Variants in CLK4 observed in about 807,000 individuals in gnomAD.
CLK4 encodes the protein dual specificity protein kinase CLK4.
CLK4 carries 37 observed loss-of-function variants against 64.4 expected under a neutral mutation model. That is an observed-to-expected ratio of 0.57 (90% CI 0.44 to 0.76). The LOEUF (loss-of-function observed/expected upper bound fraction) is 0.76, where lower values mean the gene tolerates loss of function less well. CLK4 is among the 30% of genes least tolerant of loss of function. The pLI is 0.00. For synonymous variants in CLK4, 175 were observed against 191.6 expected, an observed-to-expected ratio of 0.91 and a Z score of 0.72; for missense variants, 457 against 605.1, an observed-to-expected ratio of 0.76 and a Z score of 2.57.
chr5:178,623,111 C>G (rs1342436203), intron 2 of CLK4, 145 bp downstream of exon 2: 6 of 782,432 alleles, frequency 7.7e-6, no homozygotes, highest in Middle Eastern at 3.1e-4. Context: ...CAGCGCCTAT[C>G]TAAAATAAGT....
At chr5:178,620,499 T>C (rs1764694045) in intron 2 of CLK4, 1 of 376,132 alleles carries the variant, frequency 2.7e-6, no homozygotes, top group Admixed American at 3.3e-5. Flanking sequence ...GGCTGAGAGA[T>C]TATATAAACA....
chr5:178,613,694 A>G, intron 6 of CLK4, 33 bp downstream of exon 6: 5 of 1,606,958 alleles, frequency 3.1e-6, no homozygotes, highest in Non-Finnish European at 4.3e-6. Flanking sequence ...ATTTCATGTA[A>G]TATGATGGCT....
At chr5:178,623,530 T>C (rs1163030350) in intron 1 of CLK4, 114 bp from the exon 2 acceptor site, 1 of 878,112 alleles carries the variant, frequency 1.1e-6, no homozygotes, top group Non-Finnish European at 1.5e-6. Context: ...TCTTACAGGC[T>C]CCAAAATCTT....
intron 10 of CLK4, among the ~76,000 whole-genome samples, chr5:178,606,555 G>T (rs1224192215): frequency 6.6e-6 from 1 of 152,080 alleles, no homozygotes; most frequent in Non-Finnish European, 1.5e-5. Context: ...AACCTCAACA[G>T]TACTAGCTGG....
In CLK4 at chr5:178,603,960, A is replaced by G. The variant is rs752299184; in HGVS notation, c.1215-26T>C. The G allele has an allele frequency of 2.6e-6, 4 of 1,523,862 alleles. No homozygotes were observed. In the South Asian group the frequency reaches 4.7e-5, roughly 18 times the overall value. 94.4% of individuals were successfully genotyped at this position (1,523,862 alleles called of 1,614,324 possible). A position where few individuals can be genotyped will look rare whatever the true frequency, so the allele number is the denominator to read the frequency against. ...CTACAGAAAAAAAAAAAAAGTCTGG[A>G]TTAGTAAAATAACAAGAGTCGTATC... On this transcript the variant is annotated intron_variant, in intron 11 of 12. Coordinates refer to ENST00000316308, the MANE Select transcript of CLK4 (RefSeq NM_020666.3).
Position 178,603,678 on chromosome 5 carries a change from T to G in CLK4, c.1385A>C (p.Gln462Pro). The change falls in exon 13 of 13, where the codon CAA becomes CCA. Residue 462 changes from glutamine to proline, a missense_variant. Transcript: ENST00000316308. ...VRRMLEYDPT[Q>P]RITLDEALQH... is the part of the protein sequence containing the mutation. Reference sequence around the variant, plus strand: ...CAATGCTTCATCCAAGGTAATTCTTTGAGTTGGATCATATTCTAACATTCT... The same window carrying G: ...CAATGCTTCATCCAAGGTAATTCTTGGAGTTGGATCATATTCTAACATTCT... 6.2e-7 allele frequency: 1 copy of G among 1,603,804 alleles called. No individual in the cohort carries two copies. Among genetic ancestry groups the G allele is most frequent in the African/African-American group, 1.3e-5 (1 of 74,406 alleles).
intron 1 of CLK4, among the ~76,000 whole-genome samples, chr5:178,625,093 C>G (rs1192916258): frequency 1.3e-5 from 2 of 152,126 alleles, no homozygotes; most frequent in Non-Finnish European, 2.9e-5. Context: ...AATGGAGTCA[C>G]TTCCATATGG....
chr5:178,622,232 A>G (rs1291671772), intron 2 of CLK4: 1 of 160,260 alleles, frequency 6.2e-6, no homozygotes, highest in East Asian at 1.9e-4. Context: ...TGTACTGTAC[A>G]TTAATTATTA....
chr5:178,621,755 C>G (rs773396610), intron 2 of CLK4: 1 of 152,016 alleles, frequency 6.6e-6, no homozygotes, highest in Admixed American at 6.6e-5. Flanking sequence ...CATGCTTTAA[C>G]TTAAAAATGC....
chr5:178,612,684 G>T (rs1764574036), intron 8 of CLK4, 112 bp downstream of exon 8: 2 of 1,095,864 alleles, frequency 1.8e-6, no homozygotes, highest in Non-Finnish European at 2.7e-6. Context: ...CTTCTTTTTG[G>T]TTAAACAACA....
At chr5:178,605,239 T>C in intron 11 of CLK4, 64 bp downstream of exon 11, 1 of 1,021,104 alleles carries the variant, frequency 9.8e-7, no homozygotes, top group Non-Finnish European at 1.4e-6. Context: ...AACGTTGGGT[T>C]TTCTGTAGTT....
In CLK4 at chr5:178,603,450, ACTTG is replaced by A. The variant is rs535117251; in HGVS notation, c.*163_*166del. On this transcript the variant is annotated 3_prime_UTR_variant, in exon 13 of 13. Coordinates refer to ENST00000316308, the MANE Select transcript of CLK4 (RefSeq NM_020666.3). ...TTTTCTAATGCATTATCAAGACCAT[ACTTG>A]CTTAACAAGTTAATTATGCTATTGA... is the stretch of plus-strand genomic sequence containing the variant. 5.6e-5 allele frequency: 25 copies of A among 447,840 alleles called. No individual in the cohort carries two copies. Among genetic ancestry groups the A allele is most frequent in the African/African-American group, 3.6e-4 (18 of 49,316 alleles). 27.7% of individuals were successfully genotyped at this position (447,840 alleles called of 1,614,324 possible).
At chr5:178,612,278 C>G (rs1184931384) in intron 9 of CLK4, 138 bp downstream of exon 9, 1 of 704,064 alleles carries the variant, frequency 1.4e-6, no homozygotes. Context: ...TAGCAATGTC[C>G]ACACATTTTT....
chr5:178,620,475 T>C (rs1764693850), intron 2 of CLK4: 2 of 322,058 alleles, frequency 6.2e-6, no homozygotes, highest in Non-Finnish European at 1.3e-5. Context: ...CAATAGATAA[T>C]GGCCAATGAC....
Position 178,617,299 on chromosome 5 carries a change from T to A in CLK4, c.475+45A>T. The A allele has an allele frequency of 6.8e-7, 1 of 1,465,198 alleles. No homozygotes were observed. The highest frequency in any genetic ancestry group is 9.6e-7 in the Non-Finnish European group (1 of 1,044,490). The allele number at this position is 1,465,198 out of a possible 1,614,324, so 90.8% of individuals were successfully genotyped here. The stretch of plus-strand genomic sequence containing the variant: ...GCTGACAAACTATTCTTAAAAAGAT[T>A]ATTCTTTCTGCAAAGTTTAAAAAGT... On this transcript the variant is annotated intron_variant, in intron 4 of 12. Transcript: ENST00000316308. This position sits in a 1 kb window ranked among gnomAD's most constrained non-coding sequence, Gnocchi z 5.2.
At position 178,612,582 on chromosome 5, in the gene CLK4, A is replaced by G; in HGVS notation, c.922-37T>C. On this transcript the variant is annotated intron_variant, in intron 8 of 12. Coordinates refer to ENST00000316308, the MANE Select transcript of CLK4 (RefSeq NM_020666.3). ...CAGTTGAGTAAACATGAAACTCAATAGATACATTTTATAGCGCTACTCAAA... is the reference window on the plus strand; with the variant it reads ...CAGTTGAGTAAACATGAAACTCAATGGATACATTTTATAGCGCTACTCAAA... The G allele has an allele frequency of 1.9e-6, 3 of 1,604,342 alleles. No individual in the cohort carries two copies. The South Asian group carries it at 3.3e-5, about 18-fold the overall frequency.
In CLK4 at chr5:178,613,841, T is replaced by C. The variant is rs1157184788; in HGVS notation, c.545A>G (p.Asp182Gly). The change falls in exon 6 of 13, where the codon GAT becomes GGT. Residue 182 changes from aspartate (D) to glycine (G), a missense_variant and splice_region_variant. By Grantham distance (94) the Asp-to-Gly change is moderately conservative (BLOSUM62 -1). Coordinates refer to ENST00000316308, the MANE Select transcript of CLK4 (RefSeq NM_020666.3). ...GATTTTCACTGCTACATGCATGCCA[T>C]CCCTTAAAAATAAAATTAAGATAAA... ...KVVECIDHGM[D>G]GMHVAVKIVK... 23 of 1,608,484 alleles carry C rather than the reference T, an allele frequency of 1.4e-5. No individual in the cohort carries two copies. The highest frequency in any genetic ancestry group is 2.7e-5 in the African/African-American group (2 of 74,776).
At chr5:178,612,933 T>C in intron 7 of CLK4, 43 bp from the exon 8 acceptor site, 1 of 1,038,888 alleles carries the variant, frequency 9.6e-7, no homozygotes, top group Middle Eastern at 2.1e-4. Flanking sequence ...ACTTACAAAC[T>C]TAATTTGTAC....
chr5:178,625,166 T>A (rs544707577), intron 1 of CLK4, among the ~76,000 whole-genome samples: 8 of 152,174 alleles, frequency 5.3e-5, no homozygotes, highest in Admixed American at 2.0e-4. Flanking sequence ...CAAACTTTCT[T>A]CATTAGAGCT....
Sources: allele counts gnomAD v4.1 joint callset (sites outside exome capture counted in the v4.1 genomes callset), GRCh38; gene constraint gnomAD v4.1.1; non-coding constraint Gnocchi (gnomAD v3.1); transcripts MANE v1.5; gene names NCBI Gene and HGNC (gene_info 2026-07-23, HGNC 2026-07-21).